The following SLC12A5 variants were observed in gnomAD, a reference collection of about 807,000 sequenced individuals.
SLC12A5 encodes the protein K-Cl cotransporter 2.
In SLC12A5, 18 loss-of-function variants were observed where a neutral mutation model predicts 124.0. The observed-to-expected ratio is 0.15, with a 90% CI of 0.10 to 0.22. The LOEUF is 0.22. Among genes scored for constraint, SLC12A5 ranks in the 10% least tolerant of loss-of-function variants. SLC12A5 has a pLI of 1.00. For synonymous variants in SLC12A5, 589 were observed against 568.0 expected (o/e 1.04, Z -0.53); for missense variants, 867 against 1,478.7 (o/e 0.59, Z 6.78).
At position 46,034,237 on chromosome 20, in the gene SLC12A5, T is replaced by C. The variant is rs144361303; in HGVS notation, c.53-711T>C. Among the ~76,000 whole-genome samples the C allele has an allele frequency of 9.0e-3, 1,364 of 152,272 alleles. 10 individuals carry two copies. The highest frequency in any genetic ancestry group is 0.025 in the South Asian group (122 of 4,828). On this transcript the variant is annotated intron_variant, in intron 1 of 25. Transcript: ENST00000243964. ...CCCTCCCAGGCTAGCTCTTACTCAT[T>C]CTTCAGCTCTCAGCGGACACGTCAC... is the stretch of plus-strand genomic sequence containing the variant.
intron 5 of SLC12A5, 66 bp from the exon 6 acceptor site, chr20:46,037,189 A>C (rs2084505998): frequency 6.6e-7 from 1 of 1,508,944 alleles, no homozygotes. Flanking sequence ...GTCACTGAAC[A>C]CCCCTCACCC....
rs1887777694 is a variant in SLC12A5, at chr20:46,059,543, G to C, written c.*1938G>C. 2.5e-6 allele frequency: 1 copy of C among 399,116 alleles called. No homozygotes were observed. The highest frequency in any genetic ancestry group is 4.4e-6 in the Non-Finnish European group (1 of 226,084). 24.7% of individuals were successfully genotyped at this position (399,116 alleles called of 1,614,324 possible). ...CAGAGCTGATGTGATGGGCTGTGCAGAAGGGGGCTGTATCAACATCAATTA... is the reference window on the plus strand; with the variant it reads ...CAGAGCTGATGTGATGGGCTGTGCACAAGGGGGCTGTATCAACATCAATTA... On this transcript the variant is annotated 3_prime_UTR_variant, in exon 26 of 26. Transcript: ENST00000243964.
At position 46,035,000 on chromosome 20, in the gene SLC12A5, G is replaced by A; in HGVS notation, c.105G>A (p.Glu35=). ...SSPFINSTDT[E]KGKEYDGKNM... ...CCTTCATCAACAGCACCGACACAGA[G>A]AAGGGAAAGGAGTATGATGGCAAGA... is the stretch of plus-strand genomic sequence containing the variant. The change falls in exon 2 of 26, where the codon GAG becomes GAA. Residue 35 remains glutamate (E), a synonymous_variant. Transcript: ENST00000243964. The A allele has an allele frequency of 6.2e-7, 1 of 1,614,064 alleles. No homozygotes were observed. The highest frequency in any genetic ancestry group is 8.5e-7 in the Non-Finnish European group (1 of 1,179,974).
At chr20:46,043,048 TG>T in intron 8 of SLC12A5, 104 bp from the exon 9 acceptor site, 1 of 1,061,656 alleles carries the variant, frequency 9.4e-7, no homozygotes, top group Non-Finnish European at 1.4e-6. Context: ...GAGAGTGAGA[TG>T]GGGTTGATCT....
At position 46,057,119 on chromosome 20, in the gene SLC12A5, C is replaced by T. The variant is rs780463011; in HGVS notation, c.3126-51C>T. 1 of 1,609,588 alleles carries T rather than the reference C, an allele frequency of 6.2e-7. No individual in the cohort carries two copies. Among genetic ancestry groups the T allele is most frequent in the Non-Finnish European group, 8.5e-7 (1 of 1,176,876 alleles). ...GGCTGGAAGGGCGACTGGCTCCAAT[C>T]TTCTCTACCCCCCCGGCTCACGCGG... On this transcript the variant is annotated intron_variant, in intron 24 of 25. Transcript: ENST00000243964. The surrounding 1 kb of genome is among the most constrained non-coding windows in gnomAD (Gnocchi z 7.1).
rs994933990 is a variant in SLC12A5 at position 46,045,275 on chromosome 20, C to T, written c.1569+135C>T. On this transcript the variant is annotated intron_variant, in intron 12 of 25. Coordinates refer to ENST00000243964, the MANE Select transcript of SLC12A5 (RefSeq NM_020708.5). The surrounding 1 kb of genome is among the most constrained non-coding windows in gnomAD (Gnocchi z 4.9). ...CACTTCTGCTCTGTACTGCACTGGCCAGGCCTATCTGGCAGGGTCTGAGGC... is the reference window on the plus strand; with the variant it reads ...CACTTCTGCTCTGTACTGCACTGGCTAGGCCTATCTGGCAGGGTCTGAGGC... The T allele has an allele frequency of 1.5e-5, 16 of 1,083,096 alleles. No homozygotes were observed. The African/African-American group carries it at 2.3e-4, about 15-fold the overall frequency. 67.1% of individuals were successfully genotyped at this position (1,083,096 alleles called of 1,614,324 possible).
At chr20:46,052,884 G>A in intron 18 of SLC12A5, 73 bp from the exon 19 acceptor site, 3 of 1,482,380 alleles carry the variant, frequency 2.0e-6, no homozygotes, top group Non-Finnish European at 1.8e-6. Context: ...AGGAGCCCTT[G>A]TGGCTGCTGC....
Position 46,057,352 on chromosome 20 carries a change from A to G in SLC12A5, c.3259+49A>G, listed in dbSNP as rs1421660612. The G allele has an allele frequency of 6.2e-7, 1 of 1,612,374 alleles. No individual in the cohort carries two copies. The highest frequency in any genetic ancestry group is 8.5e-7 in the Non-Finnish European group (1 of 1,178,458). On this transcript the variant is annotated intron_variant, in intron 25 of 25. Transcript: ENST00000243964. This position sits in a 1 kb window ranked among gnomAD's most constrained non-coding sequence, Gnocchi z 7.1. The stretch of plus-strand genomic sequence containing the variant: ...GAAAGAGGGAGGTGGACGTCAGGGA[A>G]TCTGGGTCCTGTCCCTGGGATGGAA...
intron 1 of SLC12A5, among the ~76,000 whole-genome samples, chr20:46,032,054 C>T (rs948675729): frequency 2.0e-5 from 3 of 152,252 alleles, no homozygotes; most frequent in African/African-American, 4.8e-5. Flanking sequence ...AGGCGGGACC[C>T]AGAACTAGCC....
At chr20:46,051,552 G>A in intron 17 of SLC12A5, 123 bp from the exon 18 acceptor site, 2 of 882,008 alleles carry the variant, frequency 2.3e-6, no homozygotes, top group Non-Finnish European at 3.5e-6. Context: ...GACGTGATCA[G>A]AGCTGAGCTT....
chr20:46,046,504 C>G, intron 14 of SLC12A5, 68 bp downstream of exon 14: 2 of 1,368,176 alleles, frequency 1.5e-6, no homozygotes, highest in South Asian at 2.4e-5. Flanking sequence ...TCATCTTACT[C>G]CAGTCCATCC....
chr20:46,028,569 A>G (rs905031605), upstream of SLC12A5, among the ~76,000 whole-genome samples: 1 of 152,172 alleles, frequency 6.6e-6, no homozygotes, highest in African/African-American at 2.4e-5. Flanking sequence ...TGGGTCAGTC[A>G]GCCCAGTGAC....
rs2084566490 is a variant in SLC12A5 at position 46,043,503 on chromosome 20, G to GCTAA, written c.1238-130_1238-129insCTAA. ...AGGAGAAGCTAAGTAACATGTCCAA[G>GCTAA]GTCTCACACAAGCCAGTATGTTAGG... is the stretch of plus-strand genomic sequence containing the variant. On this transcript the variant is annotated intron_variant, in intron 9 of 25. Transcript: ENST00000243964. 169 of 1,180,624 alleles carry GCTAA rather than the reference G, an allele frequency of 1.4e-4. 3 individuals carry two copies. In the South Asian group the frequency reaches 2.3e-3, roughly 16 times the overall value. 73.1% of individuals were successfully genotyped at this position (1,180,624 alleles called of 1,614,324 possible). A position where few individuals can be genotyped will look rare whatever the true frequency, so the allele number is the denominator to read the frequency against.
At chr20:46,040,640 G>A in intron 7 of SLC12A5, 26 bp downstream of exon 7, 1 of 1,610,164 alleles carries the variant, frequency 6.2e-7, no homozygotes. Flanking sequence ...CTGAGCCCAA[G>A]GAATCGTCCT....
chr20:46,041,666 TGA>T (rs2145489515), intron 8 of SLC12A5, 126 bp downstream of exon 8: 1 of 929,418 alleles, frequency 1.1e-6, no homozygotes, highest in African/African-American at 1.6e-5. Flanking sequence ...GCACCTACTC[TGA>T]GTTACATTCT....
chr20:46,044,051 G>C, intron 11 of SLC12A5, 118 bp downstream of exon 11: 1 of 907,468 alleles, frequency 1.1e-6, no homozygotes, highest in Non-Finnish European at 1.6e-6. Flanking sequence ...TGGGAGGGAG[G>C]CCACGGGGAT....
rs1184442854 is a variant in SLC12A5, at chr20:46,045,628, T to A, written c.1570-250T>A. 6.6e-6 allele frequency among the ~76,000 whole-genome samples: 1 copy of A among 152,088 alleles called. No homozygotes were observed. Among genetic ancestry groups the A allele is most frequent in the Non-Finnish European group, 1.5e-5 (1 of 67,994 alleles). ...TGACAGCTCCTCTCCCATCTGGTCCTCTGCAGCTGCTTTCCCCCTCTAGGG... is the reference window on the plus strand; with the variant it reads ...TGACAGCTCCTCTCCCATCTGGTCCACTGCAGCTGCTTTCCCCCTCTAGGG... On this transcript the variant is annotated intron_variant, in intron 12 of 25. Coordinates refer to ENST00000243964, the MANE Select transcript of SLC12A5 (RefSeq NM_020708.5). This position sits in a 1 kb window ranked among gnomAD's most constrained non-coding sequence, Gnocchi z 4.9.
In SLC12A5 at chr20:46,056,790, G is replaced by C. The variant is rs1306623141; in HGVS notation, c.3111-107G>C. 6.1e-6 allele frequency: 8 copies of C among 1,313,664 alleles called. No individual in the cohort carries two copies. The highest frequency in any genetic ancestry group is 8.8e-6 in the Non-Finnish European group (8 of 912,658). The allele number at this position is 1,313,664 out of a possible 1,614,324, so 81.4% of individuals were successfully genotyped here. A position where few individuals can be genotyped will look rare whatever the true frequency, so the allele number is the denominator to read the frequency against. ...AAGGTGAAGGGTGTGGGGGCTGGCA[G>C]AGCAGGACTCAGGGCAGATGACCAT... On this transcript the variant is annotated intron_variant, in intron 23 of 25. Transcript: ENST00000243964. The surrounding 1 kb of genome is among the most constrained non-coding windows in gnomAD (Gnocchi z 4.3).
intron 15 of SLC12A5, 39 bp downstream of exon 15, chr20:46,047,612 G>A: frequency 6.2e-7 from 1 of 1,602,368 alleles, no homozygotes; most frequent in Non-Finnish European, 8.5e-7. Flanking sequence ...GCTGGGGAAG[G>A]CTGAAGGGTG....
Sources: gnomAD v4.1 joint callset for allele counts (sites outside exome capture counted in the v4.1 genomes callset) on GRCh38, gnomAD v4.1.1 for gene constraint, Gnocchi (gnomAD v3.1) non-coding constraint, MANE v1.5 for transcripts, NCBI Gene and HGNC (gene_info 2026-07-23, HGNC 2026-07-21) for gene names.